The following FAT1 variants were observed in gnomAD, a reference collection of about 807,000 sequenced individuals.
FAT1 encodes protocadherin Fat 1.
FAT1 carries 171 observed loss-of-function variants against 329.8 expected under a neutral mutation model. The observed-to-expected ratio is 0.52, with a 90% CI of 0.46 to 0.59. FAT1 has a LOEUF of 0.59. FAT1 is among the 20% of genes least tolerant of loss of function. FAT1 has a pLI of 0.00. For missense variants in FAT1, 5,672 were observed against 5,774.4 expected, an observed-to-expected ratio of 0.98 and a Z score of 0.57; for synonymous variants, 2,233 against 2,228.6, an observed-to-expected ratio of 1.00 and a Z score of -0.06.
intron 2 of FAT1, among the ~76,000 whole-genome samples, chr4:186,683,812 C>A (rs761771303): frequency 1.3e-5 from 2 of 152,048 alleles, no homozygotes; most frequent in Non-Finnish European, 2.9e-5. Flanking sequence ...TATTATTAAT[C>A]CTTTTGGGTA....
chr4:186,651,109 AAATT>A (rs1390403724), intron 3 of FAT1, among the ~76,000 whole-genome samples: 3 of 148,442 alleles, frequency 2.0e-5, no homozygotes, highest in African/African-American at 4.9e-5. Context: ...TATTATTCAT[AAATT>A]AATAATTAAC....
At chr4:186,691,410 C>T (rs571622006) in intron 2 of FAT1, among the ~76,000 whole-genome samples, 1 of 152,280 alleles carries the variant, frequency 6.6e-6, no homozygotes, top group African/African-American at 2.4e-5. Flanking sequence ...TTTAAGTCAC[C>T]ATCTCTACAT....
intron 3 of FAT1, among the ~76,000 whole-genome samples, chr4:186,640,576 T>C (rs1024452331): frequency 1.3e-5 from 2 of 152,192 alleles, no homozygotes; most frequent in African/African-American, 4.8e-5. Flanking sequence ...AAAGAACTGT[T>C]ATAAAAAGTA....
At chr4:186,726,148 G>A (rs1745711918), upstream of FAT1, among the ~76,000 whole-genome samples, 1 of 152,222 alleles carries the variant, frequency 6.6e-6, no homozygotes, top group East Asian at 1.9e-4. Flanking sequence ...TGCTCTATAT[G>A]TATTTTATGA....
intron 9 of FAT1, 46 bp from the exon 10 acceptor site, chr4:186,621,821 CAGT>C (rs377635795): frequency 9.8e-5 from 117 of 1,196,936 alleles, no homozygotes; most frequent in Non-Finnish European, 1.1e-4. Context: ...ACACAAGGGG[CAGT>C]AGTAGTAGTA....
Position 186,635,369 on chromosome 4 carries a change from T to A in FAT1, c.4183+656A>T, listed in dbSNP as rs571714547. 4.6e-5 allele frequency among the ~76,000 whole-genome samples: 7 copies of A among 152,244 alleles called. No homozygotes were observed. The South Asian group carries it at 1.5e-3, about 32-fold the overall frequency. On this transcript the variant is annotated intron_variant, in intron 6 of 26. Coordinates refer to ENST00000441802, the MANE Select transcript of FAT1 (RefSeq NM_005245.4). ...AATTTAAAAAATACGTTGAATAGGGTATTACATTCAATGTCTTATCTAAAC... is the reference window on the plus strand; with the variant it reads ...AATTTAAAAAATACGTTGAATAGGGAATTACATTCAATGTCTTATCTAAAC...
chr4:186,656,197 C>T (rs1188017297), intron 3 of FAT1, among the ~76,000 whole-genome samples: 2 of 152,214 alleles, frequency 1.3e-5, no homozygotes, highest in Non-Finnish European at 2.9e-5. Context: ...AGTTGTCTAG[C>T]ACTGGCTCTG....
chr4:186,700,949 C>T (rs1247390676), intron 2 of FAT1, among the ~76,000 whole-genome samples: 1 of 152,178 alleles, frequency 6.6e-6, no homozygotes, highest in African/African-American at 2.4e-5. Context: ...CCACCCCACA[C>T]CTCCAGGTCC....
In FAT1 at chr4:186,588,800, G is replaced by A. The variant is rs993828603; in HGVS notation, c.13559C>T (p.Pro4520Leu). 11 of 1,614,054 alleles carry A rather than the reference G, an allele frequency of 6.8e-6. No individual in the cohort carries two copies. In the Middle Eastern group the frequency reaches 6.6e-4, roughly 97 times the overall value. The part of the protein sequence containing the change: ...STCREPHAPY[P>L]PGYQRHFEAP... ...CTCGAAGTGTCTTTGATACCCTGGC[G>A]GGTAAGGGGCATGGGGTTCTCTACA... The change falls in exon 27 of 27, where the codon CCG (proline) becomes CTG (leucine). Residue 4520 changes from proline to leucine, a missense_variant. Coordinates refer to ENST00000441802, the MANE Select transcript of FAT1 (RefSeq NM_005245.4).
intron 3 of FAT1, among the ~76,000 whole-genome samples, chr4:186,655,943 C>T (rs560898943): frequency 6.6e-6 from 1 of 152,332 alleles, no homozygotes; most frequent in African/African-American, 2.4e-5. Context: ...TCAGGTACGA[C>T]CGCCAGTACC....
In FAT1 at chr4:186,707,888, G is replaced by C. The variant is rs200988247; in HGVS notation, c.1940C>G (p.Ala647Gly). 3 of 1,613,776 alleles carry C rather than the reference G, an allele frequency of 1.9e-6. No individual in the cohort carries two copies. The highest frequency in any genetic ancestry group is 1.3e-5 in the African/African-American group (1 of 74,912). Residue 647 changes from alanine (A) to glycine (G), a missense_variant, in exon 2 of 27, where the codon GCT becomes GGT. Ala to Gly is a moderately conservative substitution (Grantham distance 60). This residue lies in a region of FAT1 where 3,966 missense variants were observed against 3,915.2 expected (regional missense o/e 1.01). Coordinates refer to ENST00000441802, the MANE Select transcript of FAT1 (RefSeq NM_005245.4). ...KVSFHSLRIT[A>G]TDGENFATPL... ...TGTGGCAAAATTTTCTCCATCTGTA[G>C]CTGTGATTCTCAGACTGTGGAAAGA...
chr4:186,672,528 C>T (rs1742776596), intron 2 of FAT1, among the ~76,000 whole-genome samples: 2 of 152,106 alleles, frequency 1.3e-5, no homozygotes, highest in African/African-American at 4.8e-5. Flanking sequence ...GTATTTTGAG[C>T]AAACTCAGTG....
intron 20 of FAT1, among the ~76,000 whole-genome samples, chr4:186,602,384 A>C (rs1390604527): frequency 6.6e-6 from 1 of 152,244 alleles, no homozygotes; most frequent in African/African-American, 2.4e-5. Flanking sequence ...TCAGTATGTA[A>C]AGATACATGT....
At chr4:186,680,439 C>A (rs1185170009) in intron 2 of FAT1, among the ~76,000 whole-genome samples, 1 of 152,166 alleles carries the variant, frequency 6.6e-6, no homozygotes, top group Admixed American at 6.5e-5. Flanking sequence ...TTTAATTACA[C>A]ACGACCGTTT....
chr4:186,641,161 C>A (rs1400155931), intron 3 of FAT1, among the ~76,000 whole-genome samples: 1 of 152,160 alleles, frequency 6.6e-6, no homozygotes, highest in Non-Finnish European at 1.5e-5. Flanking sequence ...TAAGTAGTTA[C>A]TAAGAATCTA....
chr4:186,680,808 T>C (rs455600), intron 2 of FAT1, among the ~76,000 whole-genome samples: 121,966 of 152,094 alleles, frequency 0.8, 49,922 homozygotes, highest in African/African-American at 0.9. Context: ...GAAATCTCAG[T>C]CTACGTTCGA....
chr4:186,661,599 G>C lies in FAT1; in HGVS notation c.3580+1700C>G, dbSNP rs551486291. Among the ~76,000 whole-genome samples the C allele has an allele frequency of 1.4e-4, 22 of 152,318 alleles. No individual in the cohort carries two copies. In the South Asian group the frequency reaches 4.6e-3, roughly 32 times the overall value. On this transcript the variant is annotated intron_variant, in intron 3 of 26. Coordinates refer to ENST00000441802, the MANE Select transcript of FAT1 (RefSeq NM_005245.4). ...CCGGGACAGAAATGCCTGTGCGTGG[G>C]ACCCTTGCAGACTTTGCCCCTGTGT...
chr4:186,681,431 C>T (rs897314298), intron 2 of FAT1, among the ~76,000 whole-genome samples: 3 of 152,078 alleles, frequency 2.0e-5, no homozygotes, highest in Admixed American at 6.6e-5. Flanking sequence ...CTCTGTATTT[C>T]CAAGGATGCT....
chr4:186,718,624 G>A (rs1260105552), intron 1 of FAT1, among the ~76,000 whole-genome samples: 8 of 152,094 alleles, frequency 5.3e-5, no homozygotes, highest in African/African-American at 1.2e-4. Context: ...CCGAGATTGC[G>A]CCACTGCACT....
Sources: gnomAD v4.1 joint callset for allele counts (sites outside exome capture counted in the v4.1 genomes callset) on GRCh38, gnomAD v4.1.1 for gene constraint, gnomAD v4.1.1 regional missense constraint, MANE v1.5 for transcripts, NCBI Gene and HGNC (gene_info 2026-07-23, HGNC 2026-07-21) for gene names.